The following TNIP3 variants were observed in gnomAD, a reference collection of about 807,000 sequenced individuals.
TNIP3 encodes TNFAIP3-interacting protein 3.
TNIP3 carries 34 observed loss-of-function variants against 54.1 expected under a neutral mutation model. That is an observed-to-expected ratio of 0.63 (90% confidence interval 0.48 to 0.84). The LOEUF is 0.84. TNIP3 is among the 40% of genes least tolerant of loss of function. TNIP3 has a pLI of 0.00. For synonymous variants in TNIP3, 134 were observed against 136.8 expected (o/e 0.98, Z 0.14); for missense variants, 366 against 387.6 (o/e 0.94, Z 0.47).
intron 2 of TNIP3, among the ~76,000 whole-genome samples, chr4:121,193,402 G>A (rs1725404917): frequency 6.6e-6 from 1 of 152,034 alleles, no homozygotes; most frequent in Admixed American, 6.6e-5. Context: ...GAATACATTA[G>A]AATTCATCAA....
intron 7 of TNIP3, among the ~76,000 whole-genome samples, chr4:121,146,234 A>G (rs1729423696): frequency 1.3e-5 from 2 of 152,230 alleles, no homozygotes; most frequent in South Asian, 4.1e-4. Context: ...AGATAAAATT[A>G]AATTTAATTC....
At chr4:121,207,845 C>T (rs908608036) in intron 2 of TNIP3, among the ~76,000 whole-genome samples, 4 of 152,270 alleles carry the variant, frequency 2.6e-5, no homozygotes, top group Non-Finnish European at 4.4e-5. Flanking sequence ...TATGGTTTGG[C>T]TGTGTCCTCA....
intron 2 of TNIP3, among the ~76,000 whole-genome samples, chr4:121,212,767 T>A (rs935157846): frequency 6.6e-6 from 1 of 152,214 alleles, no homozygotes; most frequent in Non-Finnish European, 1.5e-5. Context: ...TTACCGCAAC[T>A]GTATAAATGA....
chr4:121,204,708 T>C, intron 2 of TNIP3, among the ~76,000 whole-genome samples: 1 of 152,204 alleles, frequency 6.6e-6, no homozygotes, highest in Non-Finnish European at 1.5e-5. Flanking sequence ...TTTATTTATA[T>C]AGAATAGATT....
intron 2 of TNIP3, among the ~76,000 whole-genome samples, chr4:121,184,395 C>CT (rs1323233803): frequency 1.3e-5 from 2 of 152,194 alleles, no homozygotes; most frequent in Non-Finnish European, 2.9e-5. Context: ...ATTGATATGA[C>CT]TTGAACTTGC....
chr4:121,150,679 T>C (rs1339136497), intron 5 of TNIP3, among the ~76,000 whole-genome samples: 1 of 152,234 alleles, frequency 6.6e-6, no homozygotes, highest in Non-Finnish European at 1.5e-5. Context: ...TTTGCATTTC[T>C]CAGAAGCTGG....
At chr4:121,180,024 A>G (rs1246515933) in intron 3 of TNIP3, among the ~76,000 whole-genome samples, 1 of 151,444 alleles carries the variant, frequency 6.6e-6, no homozygotes, top group Non-Finnish European at 1.5e-5. Flanking sequence ...AGGTGATGTA[A>G]GGGAAGCCAG....
intron 5 of TNIP3, among the ~76,000 whole-genome samples, chr4:121,153,518 G>T (rs1345288744): frequency 6.6e-6 from 1 of 152,078 alleles, no homozygotes; most frequent in Non-Finnish European, 1.5e-5. Flanking sequence ...ATTTTGCCCC[G>T]CATTTGTATG....
chr4:121,184,092 A>T (rs1724867989), intron 2 of TNIP3, among the ~76,000 whole-genome samples: 1 of 151,984 alleles, frequency 6.6e-6, no homozygotes, highest in Non-Finnish European at 1.5e-5. Flanking sequence ...CTGATTAAAA[A>T]CAACTCACAA....
At chr4:121,166,705 T>C (rs1366954027), upstream of TNIP3, among the ~76,000 whole-genome samples, 4 of 152,174 alleles carry the variant, frequency 2.6e-5, no homozygotes, top group South Asian at 8.3e-4. Flanking sequence ...AAGAGGAGAG[T>C]ACTATATTTC....
At chr4:121,216,297 G>T (rs914013062) in intron 2 of TNIP3, 2 of 820,272 alleles carry the variant, frequency 2.4e-6, no homozygotes, top group Non-Finnish European at 1.9e-6. Context: ...ATTCTATATA[G>T]CTCCATTCAG....
At chr4:121,207,747 C>A (rs760455594) in intron 2 of TNIP3, among the ~76,000 whole-genome samples, 4 of 152,140 alleles carry the variant, frequency 2.6e-5, no homozygotes, top group Non-Finnish European at 4.4e-5. Context: ...TCCAAGCTGA[C>A]CTTATTCACT....
intron 3 of TNIP3, among the ~76,000 whole-genome samples, chr4:121,178,072 C>T (rs1298534902): frequency 2.6e-5 from 4 of 152,154 alleles, no homozygotes; most frequent in African/African-American, 9.7e-5. Flanking sequence ...TCGTTCCTGA[C>T]ACCAGCTGGA....
chr4:121,195,386 G>A (rs999543978), intron 2 of TNIP3, among the ~76,000 whole-genome samples: 3 of 152,128 alleles, frequency 2.0e-5, no homozygotes, highest in African/African-American at 7.2e-5. Context: ...AGATTAAAAT[G>A]GAATTATATC....
At chr4:121,220,617 T>C (rs775000680), upstream of TNIP3, among the ~76,000 whole-genome samples, 5 of 152,168 alleles carry the variant, frequency 3.3e-5, no homozygotes, top group Non-Finnish European at 7.3e-5. Flanking sequence ...TTGGTACTCA[T>C]GTATCATCGG....
intron 2 of TNIP3, among the ~76,000 whole-genome samples, chr4:121,160,382 G>A (rs751822344): frequency 6.6e-6 from 1 of 152,004 alleles, no homozygotes; most frequent in Non-Finnish European, 1.5e-5. Context: ...GGGAGGCTGA[G>A]GCACAAGAAT....
chr4:121,174,015 CA>C (rs904071777), intron 3 of TNIP3, among the ~76,000 whole-genome samples: 1 of 152,096 alleles, frequency 6.6e-6, no homozygotes, highest in Non-Finnish European at 1.5e-5. Context: ...TGAAGATGAG[CA>C]AAAGGCACAT....
intron 1 of TNIP3, among the ~76,000 whole-genome samples, chr4:121,162,313 T>C (rs1288729593): frequency 6.6e-6 from 1 of 152,222 alleles, no homozygotes; most frequent in Non-Finnish European, 1.5e-5. Flanking sequence ...AGCAGAGATG[T>C]TCTCGTTTCC....
chr4:121,150,338 C>T, intron 5 of TNIP3, 119 bp from the exon 6 acceptor site: 1 of 523,642 alleles, frequency 1.9e-6, no homozygotes, highest in Non-Finnish European at 3.4e-6. Flanking sequence ...TTTAACGCTG[C>T]TTACATAACC....
Sources: gnomAD v4.1 joint callset for allele counts (sites outside exome capture counted in the v4.1 genomes callset) on GRCh38, gnomAD v4.1.1 for gene constraint, MANE v1.5 for transcripts, NCBI Gene and HGNC (gene_info 2026-07-23, HGNC 2026-07-21) for gene names.